Variants in TTLL8 observed in about 807,000 individuals in gnomAD.
TTLL8 encodes protein monoglycylase TTLL8.
In TTLL8, 65 loss-of-function variants were observed where a neutral mutation model predicts 77.8. The ratio of observed to expected loss-of-function variants is 0.84; its 90% CI spans 0.68 to 1.03. TTLL8 has a LOEUF of 1.03. Ranked by LOEUF, TTLL8 falls within the 50% of genes least tolerant of loss-of-function variation. TTLL8 has a pLI of 0.00. For missense variants in TTLL8, 910 were observed against 1,004.5 expected (o/e 0.91, Z 1.27); for synonymous variants, 402 against 422.8 (o/e 0.95, Z 0.60).
At chr22:50,048,066 C>T (rs2061423116) in intron 3 of TTLL8, among the ~76,000 whole-genome samples, 1 of 152,078 alleles carries the variant, frequency 6.6e-6, no homozygotes, top group Non-Finnish European at 1.5e-5. Context: ...CATTGTACCC[C>T]AGCCTGGGCA....
At chr22:50,027,326 G>A (rs139292378) in intron 12 of TTLL8, among the ~76,000 whole-genome samples, 2,058 of 151,806 alleles carry the variant, frequency 0.014, 19 homozygotes, top group Non-Finnish European at 0.02. Context: ...CTGAGCTTAG[G>A]AGTTTCCAAC....
At chr22:50,030,835 A>T in exon 12 of TTLL8, 1 of 1,343,560 alleles carries the variant, frequency 7.4e-7, no homozygotes, top group Non-Finnish European at 9.9e-7. Flanking sequence ...TTGAGGTTGC[A>T]GACGGGCAGC....
chr22:50,036,283 C>T (rs1240691131), intron 8 of TTLL8, among the ~76,000 whole-genome samples: 2 of 152,234 alleles, frequency 1.3e-5, no homozygotes, highest in East Asian at 1.9e-4. Context: ...TGGGATGAGA[C>T]GACCACAGGG....
intron 6 of TTLL8, among the ~76,000 whole-genome samples, chr22:50,042,129 T>G (rs1224664771): frequency 6.6e-6 from 1 of 152,148 alleles, no homozygotes; most frequent in Non-Finnish European, 1.5e-5. Flanking sequence ...CTCCTCACAG[T>G]AGCAATTACT....
At position 50,034,580 on chromosome 22, in the gene TTLL8, G is replaced by T. The variant is rs967199299; in HGVS notation, c.922-118C>A. On this transcript the variant is annotated intron_variant, in intron 8 of 13. Coordinates refer to ENST00000266182, the Ensembl canonical transcript of TTLL8. The surrounding 1 kb of genome is among the most constrained non-coding windows in gnomAD (Gnocchi z 4.1). The stretch of plus-strand genomic sequence containing the variant: ...GCCTCACCCACCAAGCAGGCGCTCG[G>T]CTCTAGGATGGTCTGGGGCTGGCCT... 3.6e-6 allele frequency: 4 copies of T among 1,107,800 alleles called. No individual in the cohort carries two copies. The highest frequency in any genetic ancestry group is 2.8e-5 in the South Asian group (2 of 71,102). The allele number at this position is 1,107,800 out of a possible 1,614,324, so 68.6% of individuals were successfully genotyped here.
At chr22:50,023,565 A>G (rs1319925333) in intron 12 of TTLL8, among the ~76,000 whole-genome samples, 2 of 152,110 alleles carry the variant, frequency 1.3e-5, no homozygotes, top group Non-Finnish European at 2.9e-5. Flanking sequence ...TGCGCCTGTC[A>G]TCCCAGCTAC....
rs747589373 is a variant in TTLL8, at chr22:50,049,334, A to G, written c.191-12T>C. On this transcript the variant is annotated splice_polypyrimidine_tract_variant and intron_variant, in intron 2 of 13. Transcript: ENST00000266182. ...GGCACATGTATCATCTGCCAACAAA[A>G]CACAGGGGAGGCCTGAACATGAAGC... 7.3e-7 allele frequency: 1 copy of G among 1,367,454 alleles called. No individual in the cohort carries two copies. Among genetic ancestry groups the G allele is most frequent in the Non-Finnish European group, 9.8e-7 (1 of 1,021,814 alleles). The allele number at this position is 1,367,454 out of a possible 1,614,324, so 84.7% of individuals were successfully genotyped here. A position where few individuals can be genotyped will look rare whatever the true frequency, so the allele number is the denominator to read the frequency against.
chr22:50,044,929 G>T lies in TTLL8; in HGVS notation c.643+326C>A, dbSNP rs1416066859. ...TTGGGGAGACTCAGGCTGCGGCATC[G>T]TGGTGGCCGTGGGGTGGGGCAGGCT... On this transcript the variant is annotated intron_variant, in intron 6 of 13. Transcript: ENST00000266182. This position sits in a 1 kb window ranked among gnomAD's most constrained non-coding sequence, Gnocchi z 4.2. Among the ~76,000 whole-genome samples the T allele has an allele frequency of 1.3e-5, 2 of 152,138 alleles. No homozygotes were observed. Among genetic ancestry groups the T allele is most frequent in the African/African-American group, 4.8e-5 (2 of 41,436 alleles).
chr22:50,031,607 A>G, intron 11 of TTLL8, 79 bp downstream of exon 12: 2 of 1,201,778 alleles, frequency 1.7e-6, no homozygotes, highest in South Asian at 3.0e-5. Context: ...CTGCAGCTCC[A>G]CCCTCGCCCA....
In TTLL8 at chr22:50,050,104, G is replaced by T. The variant is rs192707644; in HGVS notation, c.190+5C>A. 128 of 1,366,484 alleles carry T rather than the reference G, an allele frequency of 9.4e-5. No homozygotes were observed. The African/African-American group carries it at 1.7e-3, about 18-fold the overall frequency. The allele number at this position is 1,366,484 out of a possible 1,614,324, so 84.6% of individuals were successfully genotyped here. A position where few individuals can be genotyped will look rare whatever the true frequency, so the allele number is the denominator to read the frequency against. Reference sequence around the variant, plus strand: ...GAGCTGAGACGTGCGCCTCCGATACGCTACCATTGACCCGGGCGCCTTCAT... The same window carrying T: ...GAGCTGAGACGTGCGCCTCCGATACTCTACCATTGACCCGGGCGCCTTCAT... On this transcript the variant is annotated splice_donor_5th_base_variant and intron_variant, in intron 2 of 13. Transcript: ENST00000266182.
chr22:50,028,582 A>AT, intron 12 of TTLL8, among the ~76,000 whole-genome samples: 1 of 136,538 alleles, frequency 7.3e-6, no homozygotes, highest in South Asian at 2.3e-4. Flanking sequence ...AAAGACCCCC[A>AT]CCATGCCCTC....
intron 12 of TTLL8, among the ~76,000 whole-genome samples, chr22:50,025,886 A>C (rs530043130): frequency 3.3e-4 from 51 of 152,298 alleles, no homozygotes; most frequent in South Asian, 2.7e-3. Context: ...GACAATACCC[A>C]GTGTTGACCA....
At position 50,041,255 on chromosome 22, in the gene TTLL8, C is replaced by T. The variant is rs1311595380; in HGVS notation, c.853G>A (p.Val285Ile). The T allele has an allele frequency of 2.0e-6, 1 of 502,372 alleles. No individual in the cohort carries two copies. The highest frequency in any genetic ancestry group is 2.3e-5 in the Admixed American group (1 of 43,356). 31.1% of individuals were successfully genotyped at this position (502,372 alleles called of 1,614,324 possible). The change falls in exon 8 of 14, where the codon GTC (valine) becomes ATC (isoleucine). Residue 285 changes from valine (V) to isoleucine (I), a missense_variant. By Grantham distance (29) the Val-to-Ile change is conservative (BLOSUM62 3). Transcript: ENST00000266182. This position sits in a 1 kb window ranked among gnomAD's most constrained non-coding sequence, Gnocchi z 4.3. ...TTCTGGATTTTGAAGATGCACAAGA[C>T]AATGCTACTCCCCAAAGGCACCCTG... is the stretch of plus-strand genomic sequence containing the variant.
chr22:50,024,286 G>A (rs2061219916), intron 12 of TTLL8, among the ~76,000 whole-genome samples: 1 of 151,908 alleles, frequency 6.6e-6, no homozygotes, highest in East Asian at 1.9e-4. Flanking sequence ...ACAGGTGCCT[G>A]CCACCATGCC....
intron 8 of TTLL8, among the ~76,000 whole-genome samples, chr22:50,035,265 T>C (rs2061327933): frequency 6.6e-6 from 1 of 151,942 alleles, no homozygotes; most frequent in Admixed American, 6.5e-5. Context: ...CCAGTGGGGC[T>C]CCAAGGACGC....
upstream of TTLL8, chr22:50,054,636 G>T: frequency 4.6e-6 from 1 of 215,878 alleles, no homozygotes; most frequent in Non-Finnish European, 1.1e-5. Flanking sequence ...TGCTTCCTGT[G>T]GGGATAAGCA....
chr22:50,039,070 A>C (rs547206691), intron 8 of TTLL8, among the ~76,000 whole-genome samples: 22 of 152,252 alleles, frequency 1.4e-4, no homozygotes, highest in Admixed American at 4.6e-4. Flanking sequence ...ATTTCGGTTA[A>C]AGTTTTGTGT....
chr22:50,057,357 G>GA (rs71198208), upstream of TTLL8, among the ~76,000 whole-genome samples: 422 of 90,872 alleles, frequency 4.6e-3, 1 homozygote, highest in East Asian at 6.9e-3. Flanking sequence ...TGGGTTGTGA[G>GA]TCAGGTCTGG....
At chr22:50,022,916 A>C (rs993818847) in intron 12 of TTLL8, among the ~76,000 whole-genome samples, 2 of 152,262 alleles carry the variant, frequency 1.3e-5, no homozygotes, top group Admixed American at 1.3e-4. Flanking sequence ...AAATCAGGGC[A>C]TGTCCCACAT....
Sources: gnomAD v4.1 joint callset for allele counts (sites outside exome capture counted in the v4.1 genomes callset) on GRCh38, gnomAD v4.1.1 for gene constraint, Gnocchi (gnomAD v3.1) non-coding constraint, MANE v1.5 for transcripts, NCBI Gene and HGNC (gene_info 2026-07-23, HGNC 2026-07-21) for gene names.